The following KCNQ5 variants were observed in gnomAD, a reference collection of about 807,000 sequenced individuals.
KCNQ5 encodes potassium voltage-gated channel subfamily Q member 5.
Under a neutral mutation model 98.2 loss-of-function variants are expected in KCNQ5, and 30 were observed. The ratio of observed to expected loss-of-function variants is 0.31; its 90% confidence interval spans 0.23 to 0.41. The LOEUF (loss-of-function observed/expected upper bound fraction) is 0.41. Ranked by LOEUF, KCNQ5 falls within the 10% of genes least tolerant of loss-of-function variation. KCNQ5 has a pLI of 1.00. For synonymous variants in KCNQ5, 458 were observed against 449.4 expected (o/e 1.02, Z -0.24); for missense variants, 835 against 1,182.5 (o/e 0.71, Z 4.31).
At chr6:73,134,116 C>G (rs1385499404) in intron 10 of KCNQ5, 2 of 385,014 alleles carry the variant, frequency 5.2e-6, no homozygotes, top group East Asian at 1.5e-4. Flanking sequence ...ACCAGCAAAT[C>G]AGAGACCACT....
At chr6:72,754,870 T>G (rs2154476750) in intron 1 of KCNQ5, among the ~76,000 whole-genome samples, 1 of 152,270 alleles carries the variant, frequency 6.6e-6, no homozygotes, top group Non-Finnish European at 1.5e-5. Context: ...TTATACCTAC[T>G]TATTCTATAG....
intron 2 of KCNQ5, among the ~76,000 whole-genome samples, chr6:73,033,690 A>G (rs1366373514): frequency 2.6e-5 from 4 of 151,772 alleles, no homozygotes; most frequent in Admixed American, 2.6e-4. Flanking sequence ...AATTTCCCCT[A>G]TCTCCACCCC....
intron 1 of KCNQ5, among the ~76,000 whole-genome samples, chr6:72,971,451 A>T (rs1052738197): frequency 2.0e-5 from 3 of 152,188 alleles, no homozygotes; most frequent in Admixed American, 2.0e-4. Flanking sequence ...TTCCTCAGGG[A>T]TCTAGAACTA....
At chr6:72,636,227 A>G (rs1224236154) in intron 1 of KCNQ5, among the ~76,000 whole-genome samples, 1 of 152,206 alleles carries the variant, frequency 6.6e-6, no homozygotes, top group Non-Finnish European at 1.5e-5. Flanking sequence ...TATTTGTAAC[A>G]TAGTTAAATA....
intron 1 of KCNQ5, among the ~76,000 whole-genome samples, chr6:72,852,405 A>G (rs1777298693): frequency 6.6e-6 from 1 of 151,716 alleles, no homozygotes. Flanking sequence ...TTTGGTATAT[A>G]TACACAATGG....
At chr6:73,066,755 A>G (rs1245061949) in intron 3 of KCNQ5, among the ~76,000 whole-genome samples, 1 of 152,244 alleles carries the variant, frequency 6.6e-6, no homozygotes, top group African/African-American at 2.4e-5. Flanking sequence ...ACAGATAATT[A>G]AACTAGGCAT....
chr6:73,083,246 T>G (rs1385932590), intron 5 of KCNQ5, among the ~76,000 whole-genome samples: 1 of 152,202 alleles, frequency 6.6e-6, no homozygotes, highest in Non-Finnish European at 1.5e-5. Flanking sequence ...TGGCATGGTT[T>G]AATTTTATAT....
chr6:73,015,892 T>C lies in KCNQ5; in HGVS notation c.489+11894T>C, dbSNP rs146604936. Among the ~76,000 whole-genome samples the C allele has an allele frequency of 2.1e-3, 319 of 152,280 alleles. 5 individuals are homozygous for C. Among genetic ancestry groups the C allele is most frequent in the East Asian group, 0.015 (79 of 5,184 alleles). ...ACCTCCTCCTTCCTGAAATAAACTT[T>C]CTTTCCTCTAACTTTCCTCAGTCCT... On this transcript the variant is annotated intron_variant, in intron 2 of 13. Coordinates refer to ENST00000370398, the MANE Select transcript of KCNQ5 (RefSeq NM_019842.4).
At chr6:72,986,777 G>C (rs1768799265) in intron 1 of KCNQ5, 2 of 1,475,906 alleles carry the variant, frequency 1.4e-6, no homozygotes, top group Non-Finnish European at 1.9e-6. Flanking sequence ...GGGTGAAGAG[G>C]AAACCAGAGT....
At chr6:72,681,958 T>C (rs1175610955) in intron 1 of KCNQ5, among the ~76,000 whole-genome samples, 3 of 152,182 alleles carry the variant, frequency 2.0e-5, no homozygotes, top group Admixed American at 1.3e-4. Context: ...ACTGGAAAAA[T>C]CCTGGAGTTC....
At chr6:73,175,597 T>C (rs1383021374) in intron 11 of KCNQ5, among the ~76,000 whole-genome samples, 1 of 152,200 alleles carries the variant, frequency 6.6e-6, no homozygotes, top group East Asian at 1.9e-4. Context: ...AGAAGTTAGC[T>C]CTTCCCTCTC....
intron 1 of KCNQ5, among the ~76,000 whole-genome samples, chr6:72,860,175 C>T (rs893674090): frequency 1.3e-5 from 2 of 152,180 alleles, no homozygotes; most frequent in Non-Finnish European, 2.9e-5. Flanking sequence ...GCTCCTGATG[C>T]TAAGTGTCAC....
In KCNQ5 at chr6:72,896,448, T is replaced by C. The variant is rs181714094; in HGVS notation, c.399-107460T>C. Among the ~76,000 whole-genome samples the C allele has an allele frequency of 2.1e-3, 326 of 152,208 alleles. 11 individuals carry two copies. Among genetic ancestry groups the C allele is most frequent in the Admixed American group, 0.02 (307 of 15,284 alleles). On this transcript the variant is annotated intron_variant, in intron 1 of 13. Transcript: ENST00000370398. ...TCTACTTGTAAAAAAAAAAAATACC[T>C]ACTTGTAGTGGGTCTCGAATTTCAA...
chr6:72,954,022 G>T (rs13206617), intron 1 of KCNQ5, among the ~76,000 whole-genome samples: 26,649 of 152,006 alleles, frequency 0.18, 2,491 homozygotes, highest in East Asian at 0.25. Flanking sequence ...TCAACAAAAG[G>T]CTCTTGATAC....
intron 2 of KCNQ5, among the ~76,000 whole-genome samples, chr6:73,035,985 T>TTGTG (rs70994155): frequency 0.1 from 14,514 of 140,318 alleles, 1,012 homozygotes; most frequent in African/African-American, 0.2. Context: ...TTGAATACAT[T>TTGTG]TGTGTGTGTG....
At chr6:72,712,964 A>C (rs1769443927) in intron 1 of KCNQ5, among the ~76,000 whole-genome samples, 1 of 152,152 alleles carries the variant, frequency 6.6e-6, no homozygotes, top group Admixed American at 6.5e-5. Context: ...TGGCAACAAA[A>C]ACTTTCTCTC....
At chr6:73,188,229 G>T (rs1765453271) in intron 11 of KCNQ5, among the ~76,000 whole-genome samples, 1 of 152,174 alleles carries the variant, frequency 6.6e-6, no homozygotes, top group African/African-American at 2.4e-5. Context: ...AATACCAGTT[G>T]CTTGTTTTGG....
At chr6:72,985,122 C>T (rs1016111562) in intron 1 of KCNQ5, among the ~76,000 whole-genome samples, 3 of 152,162 alleles carry the variant, frequency 2.0e-5, no homozygotes, top group East Asian at 1.9e-4. Context: ...AGGAGGATTG[C>T]GTGAGCCCAG....
chr6:72,639,280 A>G (rs996170956), intron 1 of KCNQ5, among the ~76,000 whole-genome samples: 5 of 152,220 alleles, frequency 3.3e-5, no homozygotes, highest in African/African-American at 1.2e-4. Context: ...TTGCAATGGG[A>G]TAAAAGTATT....
Sources: allele counts gnomAD v4.1 joint callset (sites outside exome capture counted in the v4.1 genomes callset), GRCh38; gene constraint gnomAD v4.1.1; transcripts MANE v1.5; gene names NCBI Gene and HGNC (gene_info 2026-07-23, HGNC 2026-07-21).